Variants in CHID1 observed in about 807,000 individuals in gnomAD.
CHID1 encodes the protein chitinase domain containing 1, also known as chitinase domain-containing protein 1.
Under a neutral mutation model 55.4 loss-of-function variants are expected in CHID1, and 44 were observed. That is an observed-to-expected ratio of 0.79 (90% CI 0.62 to 1.02). CHID1 has a LOEUF of 1.02. CHID1 is among the 50% of genes least tolerant of loss of function. The pLI is 0.00. For missense variants in CHID1, 491 were observed against 515.3 expected (o/e 0.95, Z 0.46); for synonymous variants, 216 against 212.9 (o/e 1.01, Z -0.13).
At chr11:885,564 T>C (rs12574858) in intron 8 of CHID1, among the ~76,000 whole-genome samples, 82,834 of 151,804 alleles carry the variant, frequency 0.55, 23,164 homozygotes, top group South Asian at 0.77. Flanking sequence ...CCCAGCACTA[T>C]GCCCATCACT....
At chr11:898,166 T>C (rs1851519728) in intron 7 of CHID1, among the ~76,000 whole-genome samples, 1 of 152,186 alleles carries the variant, frequency 6.6e-6, no homozygotes, top group Non-Finnish European at 1.5e-5. Flanking sequence ...GCCTCAACAA[T>C]GTCCCTTCCC....
chr11:883,030 C>G (rs1231435190), intron 10 of CHID1, 118 bp downstream of exon 10: 3 of 1,159,776 alleles, frequency 2.6e-6, no homozygotes, highest in Non-Finnish European at 3.7e-6. Flanking sequence ...CTATCTCTGA[C>G]TCTGTGGGGC....
At position 870,836 on chromosome 11, in the gene CHID1, C is replaced by T. The variant is rs528853966; in HGVS notation, c.960-337G>A. 574 of 286,084 alleles carry T rather than the reference C, an allele frequency of 2.0e-3. 1 individual carries two copies. The highest frequency in any genetic ancestry group is 3.0e-3 in the Non-Finnish European group (444 of 146,366). 17.7% of individuals were successfully genotyped at this position (286,084 alleles called of 1,614,324 possible). A position where few individuals can be genotyped will look rare whatever the true frequency, so the allele number is the denominator to read the frequency against. The stretch of plus-strand genomic sequence containing the variant: ...GCGCAGCGGCTGCTGGACAGGGCTC[C>T]TCACTCTGTCCAGACCCCAGGTGAG... On this transcript the variant is annotated intron_variant, in intron 10 of 12. Coordinates refer to ENST00000323578, the MANE Select transcript of CHID1 (RefSeq NM_023947.4).
chr11:893,043 T>C (rs368774106), intron 8 of CHID1, among the ~76,000 whole-genome samples: 4 of 152,336 alleles, frequency 2.6e-5, no homozygotes, highest in African/African-American at 9.6e-5. Flanking sequence ...TGCAGAGGGC[T>C]GGCAGCTTTC....
At chr11:872,447 G>A (rs1191613614) in intron 10 of CHID1, among the ~76,000 whole-genome samples, 2 of 152,162 alleles carry the variant, frequency 1.3e-5, no homozygotes, top group Non-Finnish European at 2.9e-5. Flanking sequence ...GTGAGCCACC[G>A]CACCCAGTCC....
intron 10 of CHID1, among the ~76,000 whole-genome samples, chr11:871,454 C>T (rs564435452): frequency 6.6e-6 from 1 of 152,406 alleles, no homozygotes; most frequent in African/African-American, 2.4e-5. Context: ...GGGGACACGA[C>T]TGCGGCTTCC....
At chr11:883,016 G>T in intron 10 of CHID1, 132 bp downstream of exon 10, 1 of 1,025,124 alleles carries the variant, frequency 9.8e-7, no homozygotes, top group Non-Finnish European at 1.4e-6. Context: ...TCCTGGCCCA[G>T]CCCCTATCTC....
chr11:884,166 G>A lies in CHID1; in HGVS notation c.705C>T (p.Thr235=), dbSNP rs767285054. The A allele has an allele frequency of 1.4e-5, 23 of 1,613,614 alleles. No individual in the cohort carries two copies. Among genetic ancestry groups the A allele is most frequent in the Admixed American group, 8.3e-5 (5 of 59,972 alleles). ...LVIPPAITPG[T]DQLGMFTHKE... is the part of the protein sequence containing the mutation. ...TGTGCGTGAACATGCCCAGCTGGTC[G>A]GTCCTGTAACAGACAGGTGCAGCCA... Residue 235 remains threonine (T), a synonymous_variant, in exon 9 of 13, where the codon ACC becomes ACT. Coordinates refer to ENST00000323578, the MANE Select transcript of CHID1 (RefSeq NM_023947.4).
chr11:912,980 A>T (rs2134412052), upstream of CHID1, among the ~76,000 whole-genome samples: 1 of 152,310 alleles, frequency 6.6e-6, no homozygotes, highest in East Asian at 1.9e-4. Flanking sequence ...TATTAAGTGA[A>T]ACTTGAACAC....
Position 904,855 on chromosome 11 carries a change from G to A in CHID1, c.-39C>T, listed in dbSNP as rs1447328351. The A allele has an allele frequency of 6.2e-7, 1 of 1,612,896 alleles. No homozygotes were observed. The highest frequency in any genetic ancestry group is 8.5e-7 in the Non-Finnish European group (1 of 1,179,876). The stretch of plus-strand genomic sequence containing the variant: ...CAGTAGGGTCCAACCTCGGGGTCCA[G>A]AGGGCTGCAGGGAAAGCAGAGCACA... On this transcript the variant is annotated 5_prime_UTR_variant, in exon 2 of 13. Coordinates refer to ENST00000323578, the MANE Select transcript of CHID1 (RefSeq NM_023947.4).
In CHID1 at chr11:875,819, T is replaced by C. The variant is rs944058659; in HGVS notation, c.960-5320A>G. ...CACGTGCCTAAGATTCAATCCCTGCTGCTGCCGGCCTCCCAGACGTCCCCT... is the reference window on the plus strand; with the variant it reads ...CACGTGCCTAAGATTCAATCCCTGCCGCTGCCGGCCTCCCAGACGTCCCCT... On this transcript the variant is annotated intron_variant, in intron 10 of 12. Coordinates refer to ENST00000323578, the MANE Select transcript of CHID1 (RefSeq NM_023947.4). The surrounding 1 kb of genome is among the most constrained non-coding windows in gnomAD (Gnocchi z 4.7). Among the ~76,000 whole-genome samples, 1 of 152,146 alleles carries C rather than the reference T, an allele frequency of 6.6e-6. No individual in the cohort carries two copies. The highest frequency in any genetic ancestry group is 1.5e-5 in the Non-Finnish European group (1 of 68,026).
intron 7 of CHID1, among the ~76,000 whole-genome samples, chr11:893,867 C>T (rs1271715840): frequency 6.6e-6 from 1 of 151,544 alleles, no homozygotes; most frequent in Non-Finnish European, 1.5e-5. Context: ...CACGGTGGCT[C>T]ACGCCGGTAA....
chr11:876,731 C>T (rs1849545641), intron 10 of CHID1, among the ~76,000 whole-genome samples: 1 of 152,234 alleles, frequency 6.6e-6, no homozygotes, highest in Non-Finnish European at 1.5e-5. Flanking sequence ...TGAGGATGCA[C>T]GTGTGAGCGA....
intron 7 of CHID1, among the ~76,000 whole-genome samples, chr11:895,365 G>A (rs1488917481): frequency 2.6e-5 from 4 of 152,176 alleles, no homozygotes; most frequent in Non-Finnish European, 4.4e-5. Flanking sequence ...CAGGCTCACG[G>A]TGTGGCCCAG....
chr11:870,382 C>T (rs747089554), intron 11 of CHID1, 37 bp downstream of exon 11: 1 of 1,558,316 alleles, frequency 6.4e-7, no homozygotes, highest in Admixed American at 1.7e-5. Context: ...TCCCTGCACA[C>T]AAGGCCAAGG....
Position 904,799 on chromosome 11 carries a change from G to A in CHID1, c.18C>T (p.Asn6=). The change falls in exon 2 of 13, where the codon AAC becomes AAT. Residue 6 remains asparagine (N), a synonymous_variant. Transcript: ENST00000323578. MRTLF[N]LLWLALACSP... is the part of the protein sequence containing the mutation. Reference sequence around the variant, plus strand: ...TGCAGGCCAGGGCAAGCCAGAGGAGGTTGAAGAGTGTCCGCATGGTAGGTG... The same window carrying A: ...TGCAGGCCAGGGCAAGCCAGAGGAGATTGAAGAGTGTCCGCATGGTAGGTG... 2.5e-6 allele frequency: 4 copies of A among 1,613,988 alleles called. No individual in the cohort carries two copies. The highest frequency in any genetic ancestry group is 3.4e-6 in the Non-Finnish European group (4 of 1,180,020).
In CHID1 at chr11:883,158, C is replaced by T. The variant is rs573813834; in HGVS notation, c.949G>A (p.Val317Ile). 5.6e-5 allele frequency: 91 copies of T among 1,611,290 alleles called. No individual in the cohort carries two copies. The highest frequency in any genetic ancestry group is 7.5e-5 in the Non-Finnish European group (88 of 1,177,700). The change falls in exon 10 of 13, where the codon GTC becomes ATC. Residue 317 changes from valine (V) to isoleucine (I), a missense_variant. Val to Ile is a conservative substitution (Grantham distance 29). Transcript: ENST00000323578. Reference sequence around the variant, plus strand: ...GAGCCCTTGGCTCACCTGGCCCCGACAACAGGCTCACGGGCATCCTTGGAG... The same window carrying T: ...GAGCCCTTGGCTCACCTGGCCCCGATAACAGGCTCACGGGCATCCTTGGAG... Reference protein sequence around the residue: ...ATSKDAREPVVGARYIQTLKD... With the variant: ...ATSKDAREPVIGARYIQTLKD...
At chr11:906,300 G>A (rs1589906675) in intron 1 of CHID1, among the ~76,000 whole-genome samples, 3 of 150,822 alleles carry the variant, frequency 2.0e-5, no homozygotes, top group South Asian at 4.2e-4. Flanking sequence ...GTGCTGTGGC[G>A]CCATCTTGGC....
chr11:897,995 G>T (rs181747412), intron 7 of CHID1, among the ~76,000 whole-genome samples: 1 of 152,166 alleles, frequency 6.6e-6, no homozygotes, highest in Non-Finnish European at 1.5e-5. Context: ...AAGAGCCTTG[G>T]ACTGCTGCCT....
Sources: allele counts gnomAD v4.1 joint callset (sites outside exome capture counted in the v4.1 genomes callset), GRCh38; gene constraint gnomAD v4.1.1; non-coding constraint Gnocchi (gnomAD v3.1); transcripts MANE v1.5; gene names NCBI Gene and HGNC (gene_info 2026-07-23, HGNC 2026-07-21).